The following NRXN1 variants were observed in gnomAD, a reference collection of about 807,000 sequenced individuals.
NRXN1 encodes the protein neurexin 1.
NRXN1 carries 39 observed loss-of-function variants against 150.9 expected under a neutral mutation model. That is an observed-to-expected ratio of 0.26 (90% CI 0.20 to 0.34). NRXN1 has a LOEUF of 0.34. Ranked by LOEUF, NRXN1 falls within the 10% of genes least tolerant of loss-of-function variation. The pLI is 1.00. For synonymous variants in NRXN1, 924 were observed against 757.0 expected (o/e 1.22, Z -3.62); for missense variants, 1,815 against 1,949.9 (o/e 0.93, Z 1.30).
intron 5 of NRXN1, among the ~76,000 whole-genome samples, chr2:50,844,096 C>T (rs1559341826): frequency 1.3e-5 from 2 of 152,060 alleles, no homozygotes; most frequent in African/African-American, 2.4e-5. Context: ...CCTGGAGGCA[C>T]GAAGAACAGC....
At chr2:50,203,322 A>T (rs116160434) in intron 18 of NRXN1, among the ~76,000 whole-genome samples, 1 of 152,138 alleles carries the variant, frequency 6.6e-6, no homozygotes, top group South Asian at 2.1e-4. Flanking sequence ...AACTCTGAAA[A>T]ACCAACAGTC....
chr2:50,018,729 T>C (rs1687031281), intron 21 of NRXN1, among the ~76,000 whole-genome samples: 2 of 152,210 alleles, frequency 1.3e-5, no homozygotes, highest in African/African-American at 4.8e-5. Flanking sequence ...CAAAAATCTT[T>C]CCTGAGCAAT....
chr2:49,990,044 C>G (rs1681648865), intron 21 of NRXN1, among the ~76,000 whole-genome samples: 1 of 151,754 alleles, frequency 6.6e-6, no homozygotes, highest in Admixed American at 6.6e-5. Flanking sequence ...TAGATCAGTT[C>G]CCAGACAACA....
At chr2:50,886,863 T>C (rs1456014972) in intron 5 of NRXN1, among the ~76,000 whole-genome samples, 1 of 151,384 alleles carries the variant, frequency 6.6e-6, no homozygotes, top group Non-Finnish European at 1.5e-5. Context: ...TTCAAAGAAA[T>C]AAATTAGGGT....
intron 10 of NRXN1, among the ~76,000 whole-genome samples, chr2:50,535,008 C>T (rs1573442713): frequency 1.3e-5 from 2 of 152,192 alleles, no homozygotes; most frequent in Middle Eastern, 6.8e-3. Flanking sequence ...AGAGTGCCCC[C>T]GAGTGTCATG....
At chr2:50,604,277 C>A (rs1676744624) in intron 8 of NRXN1, among the ~76,000 whole-genome samples, 1 of 152,130 alleles carries the variant, frequency 6.6e-6, no homozygotes, top group African/African-American at 2.4e-5. Flanking sequence ...CCTTATATTT[C>A]TGTTAAAAAT....
intron 17 of NRXN1, among the ~76,000 whole-genome samples, chr2:50,448,469 T>C (rs538965907): frequency 2.5e-4 from 38 of 152,188 alleles, no homozygotes; most frequent in African/African-American, 9.2e-4. Flanking sequence ...TGTTGCACAA[T>C]GAGGAGTAGG....
intron 17 of NRXN1, among the ~76,000 whole-genome samples, chr2:50,354,554 C>CAT (rs71404946): frequency 0.16 from 16,074 of 99,670 alleles, 1,411 homozygotes; most frequent in Middle Eastern, 0.23. Flanking sequence ...AGAGTGCATA[C>CAT]ATATATATAT....
At chr2:50,370,963 C>T (rs2079976881) in intron 17 of NRXN1, among the ~76,000 whole-genome samples, 1 of 151,938 alleles carries the variant, frequency 6.6e-6, no homozygotes, top group African/African-American at 2.4e-5. Flanking sequence ...TCCTTAGTAT[C>T]TGAGATACTA....
chr2:50,556,227 C>A lies in NRXN1; in HGVS notation c.1321-3202G>T, dbSNP rs1038918985. 3.3e-5 allele frequency among the ~76,000 whole-genome samples: 5 copies of A among 152,212 alleles called. No individual in the cohort carries two copies. The East Asian group carries it at 9.7e-4, about 29-fold the overall frequency. ...GACCTACTCTTAAAATGAACTGAAT[C>A]TAGTTCAATTAGAATAATGAGTAGC... On this transcript the variant is annotated intron_variant, in intron 8 of 22. Transcript: ENST00000401669.
intron 5 of NRXN1, among the ~76,000 whole-genome samples, chr2:50,783,233 C>T (rs1039637455): frequency 6.6e-6 from 1 of 152,102 alleles, no homozygotes; most frequent in Non-Finnish European, 1.5e-5. Context: ...TGCTTGTTCT[C>T]CTAAAGCCTA....
intron 21 of NRXN1, among the ~76,000 whole-genome samples, chr2:49,951,476 C>T (rs1573010382): frequency 6.6e-6 from 1 of 151,870 alleles, no homozygotes; most frequent in African/African-American, 2.4e-5. Context: ...CATGGAACAA[C>T]CTATTTTTCT....
chr2:50,769,697 C>G (rs917503168), intron 5 of NRXN1, among the ~76,000 whole-genome samples: 2 of 152,008 alleles, frequency 1.3e-5, no homozygotes. Flanking sequence ...ATTTGCCAAG[C>G]CTCATTATGA....
chr2:50,111,638 CA>C (rs375375605), intron 18 of NRXN1, among the ~76,000 whole-genome samples: 1 of 146,006 alleles, frequency 6.8e-6, no homozygotes, highest in Non-Finnish European at 1.5e-5. Flanking sequence ...CACTCTGTCT[CA>C]AAAAAAAGAA....
intron 2 of NRXN1, among the ~76,000 whole-genome samples, chr2:50,965,844 T>C (rs886638231): frequency 1.3e-5 from 2 of 151,624 alleles, no homozygotes; most frequent in African/African-American, 4.8e-5. Flanking sequence ...AAATTGACCC[T>C]AGTGTTCATT....
intron 5 of NRXN1, among the ~76,000 whole-genome samples, chr2:50,894,006 T>G (rs57651214): frequency 6.6e-6 from 1 of 152,030 alleles, no homozygotes; most frequent in Non-Finnish European, 1.5e-5. Flanking sequence ...CTATCACTGT[T>G]GGACATTTGG....
intron 5 of NRXN1, among the ~76,000 whole-genome samples, chr2:50,635,483 C>A (rs80171895): frequency 5.3e-5 from 8 of 152,028 alleles, no homozygotes; most frequent in African/African-American, 1.7e-4. Flanking sequence ...AGATTAAATT[C>A]TTCTTGTCCC....
intron 17 of NRXN1, among the ~76,000 whole-genome samples, chr2:50,280,194 C>T (rs1276488212): frequency 4.7e-5 from 7 of 149,296 alleles, no homozygotes; most frequent in Non-Finnish European, 7.4e-5. Flanking sequence ...AGGAGAATGG[C>T]GTGAACACGG....
intron 21 of NRXN1, among the ~76,000 whole-genome samples, chr2:50,051,308 TTTC>T (rs1692674333): frequency 6.6e-6 from 1 of 152,054 alleles, no homozygotes; most frequent in African/African-American, 2.4e-5. Flanking sequence ...CTGATAATAT[TTTC>T]TTCTTTTGGG....
Sources: gnomAD v4.1 joint callset for allele counts (sites outside exome capture counted in the v4.1 genomes callset) on GRCh38, gnomAD v4.1.1 for gene constraint, MANE v1.5 for transcripts, NCBI Gene and HGNC (gene_info 2026-07-23, HGNC 2026-07-21) for gene names.